PTPN3: variants seen among roughly 807,000 people sequenced by gnomAD.
PTPN3 encodes the protein protein tyrosine phosphatase non-receptor type 3, also known as tyrosine-protein phosphatase non-receptor type 3.
In PTPN3, 96 loss-of-function variants were observed where a neutral mutation model predicts 132.7. The ratio of observed to expected loss-of-function variants is 0.72; its 90% CI spans 0.61 to 0.86. The LOEUF (loss-of-function observed/expected upper bound fraction) is 0.86, where lower values mean the gene tolerates loss of function less well. Among genes scored for constraint, PTPN3 ranks in the 40% least tolerant of loss-of-function variants. The pLI, the probability that PTPN3 is intolerant of heterozygous loss-of-function variation, is 0.00. For missense variants in PTPN3, 1,125 were observed against 1,159.6 expected, an observed-to-expected ratio of 0.97 and a Z score of 0.43; for synonymous variants, 398 against 429.0, an observed-to-expected ratio of 0.93 and a Z score of 0.89.
intron 1 of PTPN3, among the ~76,000 whole-genome samples, chr9:109,476,537 C>A (rs946753680): frequency 6.6e-6 from 1 of 152,126 alleles, no homozygotes; most frequent in African/African-American, 2.4e-5. Context: ...ATAAAGACAA[C>A]CCTCTCACTG....
Position 109,427,122 on chromosome 9 carries a change from C to A in PTPN3, c.829G>T (p.Ala277Ser). The A allele has an allele frequency of 6.2e-7, 1 of 1,613,590 alleles. No individual in the cohort carries two copies. The highest frequency in any genetic ancestry group is 8.5e-7 in the Non-Finnish European group (1 of 1,179,772). ...KFFIHQRQKQ[A>S]ESREHIVAFN... ...GCCACAATATGTTCCCTGGATTCAG[C>A]CTGGGAGGAAAAACAGTCAAGATTT... Residue 277 changes from alanine (A) to serine (S), a missense_variant and splice_region_variant, in exon 12 of 26, where the codon GCT becomes TCT. Coordinates refer to ENST00000374541, the MANE Select transcript of PTPN3 (RefSeq NM_002829.4).
rs1263809696 is a variant in PTPN3 at position 109,456,188 on chromosome 9, C to A, written c.289+985G>T. Among the ~76,000 whole-genome samples the A allele has an allele frequency of 8.8e-4, 134 of 152,348 alleles. 1 individual carries two copies. The highest frequency in any genetic ancestry group is 1.0e-4 in the Non-Finnish European group (7 of 68,030). ...TTGGGGGGCATCCTGTGTATGCGCA[C>A]CTGCGTGCGCAAATCCACTTGCCCT... is the stretch of plus-strand genomic sequence containing the variant. On this transcript the variant is annotated intron_variant, in intron 4 of 25. Coordinates refer to ENST00000374541, the MANE Select transcript of PTPN3 (RefSeq NM_002829.4).
intron 2 of PTPN3, among the ~76,000 whole-genome samples, chr9:109,461,829 C>A (rs1845856708): frequency 6.6e-6 from 1 of 152,024 alleles, no homozygotes; most frequent in South Asian, 2.1e-4. Context: ...CTGGGGGGCT[C>A]CCCTATGGGT....
intron 1 of PTPN3, among the ~76,000 whole-genome samples, chr9:109,490,591 T>C (rs567815889): frequency 6.6e-6 from 1 of 152,056 alleles, no homozygotes; most frequent in Non-Finnish European, 1.5e-5. Flanking sequence ...TACAAAAAAT[T>C]AGCCGGGCGT....
chr9:109,507,692 T>C, the PTPN3 span, among the ~76,000 whole-genome samples: 3 of 152,124 alleles, frequency 2.0e-5, no homozygotes, highest in African/African-American at 7.2e-5. Flanking sequence ...GACAGCAGAG[T>C]TCCTAAGGCA....
intron 7 of PTPN3, among the ~76,000 whole-genome samples, chr9:109,444,234 G>A (rs569226641): frequency 1.3e-5 from 2 of 152,190 alleles, no homozygotes; most frequent in East Asian, 3.8e-4. Flanking sequence ...TGAGTACTAT[G>A]CTGATGAACT....
At chr9:109,386,473 C>A (rs538768159) in intron 22 of PTPN3, among the ~76,000 whole-genome samples, 1 of 152,014 alleles carries the variant, frequency 6.6e-6, no homozygotes, top group Non-Finnish European at 1.5e-5. Context: ...GCTCTCGAAT[C>A]GGTGTTGGGG....
intron 9 of PTPN3, among the ~76,000 whole-genome samples, chr9:109,436,479 T>C (rs915504227): frequency 2.0e-5 from 3 of 152,192 alleles, no homozygotes; most frequent in African/African-American, 7.2e-5. Flanking sequence ...CCATAATCTT[T>C]TTAAAAAAAC....
At chr9:109,478,593 C>G (rs546371653) in intron 1 of PTPN3, among the ~76,000 whole-genome samples, 2 of 152,204 alleles carry the variant, frequency 1.3e-5, no homozygotes, top group Non-Finnish European at 2.9e-5. Context: ...AAAGGAGGAA[C>G]GAGATGACAG....
intron 1 of PTPN3, among the ~76,000 whole-genome samples, chr9:109,491,053 G>A (rs1350271577): frequency 2.0e-5 from 3 of 151,366 alleles, no homozygotes; most frequent in East Asian, 3.9e-4. Flanking sequence ...AACATTAGCC[G>A]GGCATGGTGG....
At chr9:109,503,842 T>C in the PTPN3 span, among the ~76,000 whole-genome samples, 1 of 152,196 alleles carries the variant, frequency 6.6e-6, no homozygotes, top group Non-Finnish European at 1.5e-5. Context: ...GGTAGATTCA[T>C]TCATTAAATA....
chr9:109,490,714 G>A (rs1054914653), intron 1 of PTPN3, among the ~76,000 whole-genome samples: 3 of 152,162 alleles, frequency 2.0e-5, no homozygotes, highest in Admixed American at 2.0e-4. Context: ...ACTCCAGCCT[G>A]GGCGACAGAG....
At chr9:109,477,184 G>A (rs1006622759) in intron 1 of PTPN3, among the ~76,000 whole-genome samples, 9 of 152,126 alleles carry the variant, frequency 5.9e-5, no homozygotes, top group African/African-American at 1.7e-4. Context: ...GGTGGTAAAC[G>A]GAGCCCCACA....
rs1840090269 is a variant in PTPN3 at position 109,391,468 on chromosome 9, C to T, written c.2044+3G>A. On this transcript the variant is annotated splice_donor_region_variant and intron_variant, in intron 20 of 25. Coordinates refer to ENST00000374541, the MANE Select transcript of PTPN3 (RefSeq NM_002829.4). ...GAAGGAGGCATTCATGCCGGATACT[C>T]ACAAGGCAGCACATCTTTATATCGG... is the stretch of plus-strand genomic sequence containing the variant. The T allele has an allele frequency of 6.2e-7, 1 of 1,609,318 alleles. No individual in the cohort carries two copies. Among genetic ancestry groups the T allele is most frequent in the East Asian group, 2.2e-5 (1 of 44,840 alleles).
chr9:109,501,525 G>C (rs1051740724), upstream of PTPN3, among the ~76,000 whole-genome samples: 4 of 152,020 alleles, frequency 2.6e-5, no homozygotes, highest in Admixed American at 2.6e-4. Flanking sequence ...TTTATTCTTG[G>C]GGCCAAAATG....
intron 2 of PTPN3, 45 bp downstream of exon 2, chr9:109,463,252 G>T: frequency 6.7e-7 from 1 of 1,483,618 alleles, no homozygotes; most frequent in Non-Finnish European, 9.0e-7. Flanking sequence ...TATTTGTTAG[G>T]AGCATTAATT....
At chr9:109,393,193 T>C (rs774432982) in intron 19 of PTPN3, among the ~76,000 whole-genome samples, 1 of 152,176 alleles carries the variant, frequency 6.6e-6, no homozygotes, top group Non-Finnish European at 1.5e-5. Flanking sequence ...ACTTATTATA[T>C]AGTATCTATT....
At chr9:109,510,566 A>AT in the PTPN3 span, among the ~76,000 whole-genome samples, 37 of 50,840 alleles carry the variant, frequency 7.3e-4, no homozygotes, top group African/African-American at 2.3e-3. Context: ...CTTAAAAAAA[A>AT]AAAAAAAAAA....
intron 1 of PTPN3, among the ~76,000 whole-genome samples, chr9:109,466,635 G>C (rs141024156): frequency 2.0e-5 from 3 of 152,340 alleles, no homozygotes; most frequent in East Asian, 3.9e-4. Context: ...TAGGACCCAA[G>C]AGTCTGCATC....
Sources: gnomAD v4.1 joint callset for allele counts (sites outside exome capture counted in the v4.1 genomes callset) on GRCh38, gnomAD v4.1.1 for gene constraint, MANE v1.5 for transcripts, NCBI Gene and HGNC (gene_info 2026-07-23, HGNC 2026-07-21) for gene names.